ANKS1B: variants seen among roughly 807,000 people sequenced by gnomAD.
The protein encoded by ANKS1B is ankyrin repeat and sterile alpha motif domain-containing protein 1B.
In ANKS1B, 36 loss-of-function variants were observed where a neutral mutation model predicts 148.3. The ratio of observed to expected loss-of-function variants is 0.24; its 90% confidence interval spans 0.19 to 0.32. The LOEUF (loss-of-function observed/expected upper bound fraction) is 0.32, where lower values mean the gene tolerates loss of function less well. Among genes scored for constraint, ANKS1B ranks in the 10% least tolerant of loss-of-function variants. ANKS1B has a pLI of 1.00. For synonymous variants in ANKS1B, 542 were observed against 560.8 expected (o/e 0.97, Z 0.47); for missense variants, 1,157 against 1,542.6 (o/e 0.75, Z 4.19).
chr12:98,765,470 G>A (rs1444245573), intron 25 of ANKS1B, among the ~76,000 whole-genome samples: 1 of 151,370 alleles, frequency 6.6e-6, no homozygotes, highest in African/African-American at 2.4e-5. Flanking sequence ...CACCATGCTG[G>A]TCTGGCCAGT....
At chr12:98,895,082 G>T (rs1430890754) in intron 17 of ANKS1B, 1 of 972,944 alleles carries the variant, frequency 1.0e-6, no homozygotes, top group Non-Finnish European at 1.2e-6. Flanking sequence ...TGCCCGGGGT[G>T]GGCGGCGAGG....
intron 1 of ANKS1B, among the ~76,000 whole-genome samples, chr12:99,883,616 CA>C (rs982813334): frequency 5.7e-5 from 5 of 87,550 alleles, no homozygotes; most frequent in Admixed American, 1.2e-4. Context: ...AGACTTGGGG[CA>C]GGGGGGAATC....
At chr12:99,877,817 G>A (rs2092218302) in intron 1 of ANKS1B, among the ~76,000 whole-genome samples, 1 of 152,164 alleles carries the variant, frequency 6.6e-6, no homozygotes, top group African/African-American at 2.4e-5. Context: ...AACTCTTTGG[G>A]AGGCCAAGGT....
intron 9 of ANKS1B, among the ~76,000 whole-genome samples, chr12:99,604,346 A>T (rs771117129): frequency 6.6e-6 from 1 of 152,128 alleles, no homozygotes; most frequent in Non-Finnish European, 1.5e-5. Context: ...ATAATTTAGC[A>T]TATCAAATAA....
At chr12:99,793,772 T>C (rs1164815520) in intron 4 of ANKS1B, among the ~76,000 whole-genome samples, 2 of 152,062 alleles carry the variant, frequency 1.3e-5, no homozygotes, top group Admixed American at 1.3e-4. Context: ...CAAAGATTTC[T>C]TGAGTAATAC....
intron 10 of ANKS1B, among the ~76,000 whole-genome samples, chr12:99,471,931 G>C (rs1249595527): frequency 6.6e-6 from 1 of 152,066 alleles, no homozygotes; most frequent in East Asian, 1.9e-4. Flanking sequence ...TCATTGTTAA[G>C]TTATTTAGTG....
At chr12:99,524,244 A>G (rs75714820) in intron 9 of ANKS1B, among the ~76,000 whole-genome samples, 3,887 of 152,290 alleles carry the variant, frequency 0.026, 78 homozygotes, top group South Asian at 0.088. Context: ...TTTTAAAACG[A>G]AGATACTTTA....
At chr12:99,978,087 C>T (rs962590469) in intron 1 of ANKS1B, among the ~76,000 whole-genome samples, 3 of 152,104 alleles carry the variant, frequency 2.0e-5, no homozygotes, top group African/African-American at 4.8e-5. Context: ...CCAAAATTAC[C>T]TCAAAATTAT....
At chr12:99,225,381 T>C (rs1259138650) in intron 14 of ANKS1B, among the ~76,000 whole-genome samples, 1 of 152,146 alleles carries the variant, frequency 6.6e-6, no homozygotes, top group African/African-American at 2.4e-5. Context: ...GTTGTAGTCT[T>C]AGTTGTAGTC....
chr12:99,659,373 A>G (rs2098464981), intron 8 of ANKS1B, among the ~76,000 whole-genome samples: 1 of 149,030 alleles, frequency 6.7e-6, no homozygotes, highest in Admixed American at 6.8e-5. Context: ...TCTGTTCCTG[A>G]AGTTCCAGAA....
chr12:99,517,744 C>G (rs2096836194), intron 9 of ANKS1B, among the ~76,000 whole-genome samples: 1 of 152,018 alleles, frequency 6.6e-6, no homozygotes, highest in Non-Finnish European at 1.5e-5. Context: ...TCTAGGACTT[C>G]CAGTACTATG....
intron 1 of ANKS1B, among the ~76,000 whole-genome samples, chr12:99,887,294 C>G (rs1037691089): frequency 1.3e-5 from 2 of 152,204 alleles, no homozygotes; most frequent in African/African-American, 4.8e-5. Context: ...GTGTAAAATA[C>G]ACACCAGATT....
intron 12 of ANKS1B, among the ~76,000 whole-genome samples, chr12:99,393,050 T>C (rs546231079): frequency 1.2e-4 from 18 of 152,140 alleles, no homozygotes; most frequent in Non-Finnish European, 2.4e-4. Flanking sequence ...CTCCAATTCA[T>C]CCAAATATAT....
Position 99,932,995 on chromosome 12 carries a change from C to T in ANKS1B, c.134+51109G>A, listed in dbSNP as rs537745655. On this transcript the variant is annotated intron_variant, in intron 1 of 26. Transcript: ENST00000683438. ...CTTGTGCATATGGATATCAAGTTTTCCCAGCACCATTTACTGAAGAGACTG... is the reference window on the plus strand; with the variant it reads ...CTTGTGCATATGGATATCAAGTTTTTCCAGCACCATTTACTGAAGAGACTG... Among the ~76,000 whole-genome samples, 11 of 152,230 alleles carry T rather than the reference C, an allele frequency of 7.2e-5. No homozygotes were observed. The South Asian group carries it at 2.3e-3, about 32-fold the overall frequency.
intron 8 of ANKS1B, among the ~76,000 whole-genome samples, chr12:99,735,319 G>C (rs1020597243): frequency 6.6e-6 from 1 of 151,898 alleles, no homozygotes; most frequent in South Asian, 2.1e-4. Context: ...AAAGATCAAC[G>C]AAATGAAAAG....
intron 17 of ANKS1B, among the ~76,000 whole-genome samples, chr12:98,933,768 A>G (rs1027541475): frequency 2.6e-4 from 40 of 151,876 alleles, no homozygotes; most frequent in Non-Finnish European, 4.6e-4. Context: ...ATTTTCTCAT[A>G]TACCTGTTGT....
chr12:99,077,598 A>AAAGAAAT lies in ANKS1B; in HGVS notation c.2625+7326_2625+7327insATTTCTT, dbSNP rs1424606188. 5.9e-5 allele frequency among the ~76,000 whole-genome samples: 9 copies of AAAGAAAT among 152,336 alleles called. No individual in the cohort carries two copies. The East Asian group carries it at 1.7e-3, about 29-fold the overall frequency. On this transcript the variant is annotated intron_variant, in intron 16 of 26. Transcript: ENST00000683438. Reference sequence around the variant, plus strand: ...CTTTTAAAGAAATAACATTGGTTGTACACTTTTCCGCTAAAGCGTACACAC... The same window carrying AAAGAAAT: ...CTTTTAAAGAAATAACATTGGTTGTAAAGAAATCACTTTTCCGCTAAAGCGTACACAC...
At chr12:98,742,941 A>G (rs1486378843), downstream of ANKS1B, among the ~76,000 whole-genome samples, 1 of 152,222 alleles carries the variant, frequency 6.6e-6, no homozygotes, top group African/African-American at 2.4e-5. Flanking sequence ...CTTTATTTCA[A>G]AAAATGTGTT....
chr12:98,743,543 C>A (rs1314467400), downstream of ANKS1B, among the ~76,000 whole-genome samples: 1 of 139,900 alleles, frequency 7.1e-6, no homozygotes, highest in African/African-American at 3.3e-5. Context: ...CTCTCATCTG[C>A]CCCCTGCAGG....
Sources: gnomAD v4.1 joint callset for allele counts (sites outside exome capture counted in the v4.1 genomes callset) on GRCh38, gnomAD v4.1.1 for gene constraint, MANE v1.5 for transcripts, NCBI Gene and HGNC (gene_info 2026-07-23, HGNC 2026-07-21) for gene names.